CISTR: variants seen among roughly 807,000 people sequenced by gnomAD.
CISTR encodes the protein chondrogenesis-associated transcript.
intron 1 of CISTR, chr12:53,754,234 G>T (rs1376259704): frequency 6.6e-6 from 1 of 152,104 alleles, no homozygotes. Context: ...AAATTATCTA[G>T]TCTAGACTTT....
intron 2 of CISTR, among the ~76,000 whole-genome samples, chr12:53,749,959 G>T (rs1937827852): frequency 6.6e-6 from 1 of 152,152 alleles, no homozygotes; most frequent in South Asian, 2.1e-4. Context: ...TCTTCCAGTG[G>T]CTGCTTGAGG....
Position 53,756,761 on chromosome 12 carries a change from G to C in CISTR, n.414+53C>G, listed in dbSNP as rs971047388. On this transcript the variant is annotated intron_variant and non_coding_transcript_variant, in intron 1 of 2. Transcript: ENST00000669269. This position sits in a 1 kb window ranked among gnomAD's most constrained non-coding sequence, Gnocchi z 4.0. ...GTGTGTGTGTGTGTGTACTGGGGAG[G>C]GGGGATGAGATGGGAGGAAGTGGGG... 2 of 63,090 alleles carry C rather than the reference G, an allele frequency of 3.2e-5. No individual in the cohort carries two copies. Among genetic ancestry groups the C allele is most frequent in the Non-Finnish European group, 6.4e-5 (2 of 31,494 alleles). The allele number at this position is 63,090 out of a possible 1,614,324, so 3.9% of individuals were successfully genotyped here.
At chr12:53,753,270 T>C (rs1196722177) in intron 1 of CISTR, among the ~76,000 whole-genome samples, 1 of 151,954 alleles carries the variant, frequency 6.6e-6, no homozygotes, top group Non-Finnish European at 1.5e-5. Context: ...TGAGGGGAGA[T>C]CCAGAGGGAG....
At chr12:53,746,764 C>T (rs1937786415) in exon 3 of CISTR, among the ~76,000 whole-genome samples, 1 of 152,218 alleles carries the variant, frequency 6.6e-6, no homozygotes, top group Non-Finnish European at 1.5e-5. Context: ...GCGCTGTTCT[C>T]TGCCGCCCTC....
chr12:53,751,420 G>A lies in CISTR; in HGVS notation n.415-455C>T, dbSNP rs908952835. On this transcript the variant is annotated intron_variant and non_coding_transcript_variant, in intron 1 of 2. Transcript: ENST00000669269. This position sits in a 1 kb window ranked among gnomAD's most constrained non-coding sequence, Gnocchi z 4.6. ...CCTGTCGCCTCCCACCCCCCTTCCG[G>A]CCGCGGCAGTTTCCGAAATCGCCCG... Among the ~76,000 whole-genome samples, 2 of 152,186 alleles carry A rather than the reference G, an allele frequency of 1.3e-5. No individual in the cohort carries two copies. The highest frequency in any genetic ancestry group is 1.5e-5 in the Non-Finnish European group (1 of 68,030).
rs779474696 is a variant in CISTR at position 53,751,418 on chromosome 12, C to A, written n.415-453G>T. Among the ~76,000 whole-genome samples, 15 of 152,206 alleles carry A rather than the reference C, an allele frequency of 9.9e-5. No homozygotes were observed. The highest frequency in any genetic ancestry group is 1.8e-4 in the Non-Finnish European group (12 of 68,028). On this transcript the variant is annotated intron_variant and non_coding_transcript_variant, in intron 1 of 2. Transcript: ENST00000669269. The surrounding 1 kb of genome is among the most constrained non-coding windows in gnomAD (Gnocchi z 4.6). The stretch of plus-strand genomic sequence containing the variant: ...GCCCTGTCGCCTCCCACCCCCCTTC[C>A]GGCCGCGGCAGTTTCCGAAATCGCC...
rs1367253443 is a variant in CISTR, at chr12:53,756,635, G to A, written n.414+179C>T. On this transcript the variant is annotated intron_variant and non_coding_transcript_variant, in intron 1 of 2. Coordinates refer to ENST00000669269, the Ensembl canonical transcript of CISTR. This position sits in a 1 kb window ranked among gnomAD's most constrained non-coding sequence, Gnocchi z 4.0. ...GCTCAAGGTTATGTATGTAAGTGGT[G>A]AGCTGGTGTGGCTGGGATTTAGCTA... Among the ~76,000 whole-genome samples, 1 of 152,136 alleles carries A rather than the reference G, an allele frequency of 6.6e-6. No homozygotes were observed. Among genetic ancestry groups the A allele is most frequent in the Non-Finnish European group, 1.5e-5 (1 of 68,030 alleles).
Position 53,751,397 on chromosome 12 carries a change from T to G in CISTR, n.415-432A>C, listed in dbSNP as rs2120735400. ...CTCTCCTTCACTCTTTCCCCAGCCC[T>G]GTCGCCTCCCACCCCCCTTCCGGCC... On this transcript the variant is annotated intron_variant and non_coding_transcript_variant, in intron 1 of 2. Transcript: ENST00000669269. The surrounding 1 kb of genome is among the most constrained non-coding windows in gnomAD (Gnocchi z 4.6). Among the ~76,000 whole-genome samples the G allele has an allele frequency of 6.6e-6, 1 of 152,242 alleles. No homozygotes were observed. The highest frequency in any genetic ancestry group is 2.1e-4 in the South Asian group (1 of 4,826).
At chr12:53,753,130 A>C (rs773415313) in intron 1 of CISTR, among the ~76,000 whole-genome samples, 3 of 151,934 alleles carry the variant, frequency 2.0e-5, no homozygotes, top group Non-Finnish European at 2.9e-5. Context: ...TTAAAGGAAA[A>C]TTACAAAGTG....
chr12:53,752,788 C>A (rs1432911992), intron 1 of CISTR, among the ~76,000 whole-genome samples: 1 of 152,104 alleles, frequency 6.6e-6, no homozygotes, highest in Non-Finnish European at 1.5e-5. Flanking sequence ...AAGGGAGGAC[C>A]GGGATTGGAC....
At chr12:53,749,106 T>C (rs1332641490) in intron 2 of CISTR, among the ~76,000 whole-genome samples, 6 of 150,794 alleles carry the variant, frequency 4.0e-5, no homozygotes, top group African/African-American at 2.4e-5. Context: ...GCAGTTATGG[T>C]GGGGTGTAGG....
chr12:53,752,132 C>G (rs1937859548), intron 1 of CISTR, among the ~76,000 whole-genome samples: 1 of 152,120 alleles, frequency 6.6e-6, no homozygotes, highest in Non-Finnish European at 1.5e-5. Flanking sequence ...CCTCCAAGGT[C>G]CCCTCCGCTC....
At chr12:53,752,205 C>G (rs1234456657) in intron 1 of CISTR, among the ~76,000 whole-genome samples, 4 of 152,218 alleles carry the variant, frequency 2.6e-5, no homozygotes, top group Admixed American at 2.6e-4. Flanking sequence ...CCCTCTGTCT[C>G]TTTCTGCCTG....
intron 1 of CISTR, among the ~76,000 whole-genome samples, chr12:53,753,103 C>A (rs1413138367): frequency 6.8e-6 from 1 of 146,986 alleles, no homozygotes; most frequent in Non-Finnish European, 1.5e-5. Flanking sequence ...GAGAGACACA[C>A]GTGTCCTTTG....
chr12:53,755,590 G>T (rs1041776629), intron 1 of CISTR, among the ~76,000 whole-genome samples: 1 of 105,444 alleles, frequency 9.5e-6, no homozygotes, highest in Non-Finnish European at 1.8e-5. Context: ...CCCAGCTCCT[G>T]GCTTTAATTA....
At chr12:53,748,972 GGTGTGTGTGTGTTGT>G (rs1937814334) in intron 2 of CISTR, among the ~76,000 whole-genome samples, 1 of 151,740 alleles carries the variant, frequency 6.6e-6, no homozygotes, top group Admixed American at 6.6e-5. Flanking sequence ...AGTGTGTATG[GGTGTGTGTGTGTTGT>G]GTGTGTGTGT....
chr12:53,754,266 T>G (rs1937890791), intron 1 of CISTR: 1 of 152,196 alleles, frequency 6.6e-6, no homozygotes, highest in South Asian at 2.1e-4. Context: ...GGTTCGATAT[T>G]ACTTCCCCAT....
At chr12:53,749,748 AG>A (rs1434000214) in intron 2 of CISTR, among the ~76,000 whole-genome samples, 4 of 152,128 alleles carry the variant, frequency 2.6e-5, no homozygotes, top group Non-Finnish European at 5.9e-5. Flanking sequence ...TGTATCCTTT[AG>A]GGGTAGATCT....
exon 3 of CISTR, among the ~76,000 whole-genome samples, chr12:53,746,371 G>A (rs1937780173): frequency 6.6e-6 from 1 of 152,154 alleles, no homozygotes; most frequent in Admixed American, 6.5e-5. Context: ...TTTATTTCAG[G>A]AGCTGCAGCT....
Sources: allele counts gnomAD v4.1 joint callset (sites outside exome capture counted in the v4.1 genomes callset), GRCh38; gene constraint gnomAD v4.1.1; non-coding constraint Gnocchi (gnomAD v3.1); transcripts MANE v1.5; gene names NCBI Gene and HGNC (gene_info 2026-07-23, HGNC 2026-07-21).